CNOT1: variants seen among roughly 807,000 people sequenced by gnomAD.
CNOT1 encodes the protein CCR4-NOT transcription complex subunit 1.
Under a neutral mutation model 273.8 loss-of-function variants are expected in CNOT1, and 15 were observed. That is an observed-to-expected ratio of 0.05 (90% CI 0.04 to 0.08). CNOT1 has a LOEUF of 0.08. Ranked by LOEUF, CNOT1 falls within the 10% of genes least tolerant of loss-of-function variation. The pLI is 1.00. For missense variants in CNOT1, 1,644 were observed against 2,912.2 expected, an observed-to-expected ratio of 0.56 and a Z score of 10.02; for synonymous variants, 1,022 against 1,005.5, an observed-to-expected ratio of 1.02 and a Z score of -0.31.
intron 29 of CNOT1, 138 bp from the exon 30 acceptor site, chr16:58,545,629 T>C: frequency 1.4e-6 from 2 of 1,426,960 alleles, no homozygotes; most frequent in Admixed American, 2.6e-5. Context: ...TAGCAGGTCC[T>C]ATTTTTCCCA....
intron 14 of CNOT1, among the ~76,000 whole-genome samples, chr16:58,575,361 T>C (rs552177372): frequency 2.0e-5 from 3 of 152,172 alleles, no homozygotes; most frequent in African/African-American, 7.2e-5. Context: ...CCAAACAAAC[T>C]TTACCGTGCT....
intron 29 of CNOT1, among the ~76,000 whole-genome samples, chr16:58,545,737 A>G (rs541496891): frequency 2.2e-4 from 34 of 152,344 alleles, no homozygotes; most frequent in Middle Eastern, 3.4e-3. Flanking sequence ...TCAACTGAGC[A>G]GCCATGCCAT....
intron 1 of CNOT1, among the ~76,000 whole-genome samples, chr16:58,609,086 C>G (rs2042793815): frequency 6.6e-6 from 1 of 152,116 alleles, no homozygotes; most frequent in South Asian, 2.1e-4. Context: ...CACTAAAGAA[C>G]TTACTCGCCA....
intron 19 of CNOT1, 80 bp downstream of exon 19, chr16:58,556,767 C>T (rs925940755): frequency 6.5e-7 from 1 of 1,543,676 alleles, no homozygotes; most frequent in Non-Finnish European, 8.7e-7. Flanking sequence ...CAACACATGG[C>T]CCTACTAACA....
intron 42 of CNOT1, among the ~76,000 whole-genome samples, chr16:58,531,015 TAATTC>T (rs1440987918): frequency 2.0e-5 from 3 of 152,212 alleles, no homozygotes; most frequent in African/African-American, 7.2e-5. Flanking sequence ...TGTGTTTTCT[TAATTC>T]CTTATTAAGT....
At chr16:58,612,772 C>T (rs923394689) in intron 1 of CNOT1, among the ~76,000 whole-genome samples, 1 of 152,138 alleles carries the variant, frequency 6.6e-6, no homozygotes, top group African/African-American at 2.4e-5. Context: ...ATATTAACTA[C>T]TTCTCCAAGA....
At chr16:58,594,003 G>T (rs1391672772) in intron 2 of CNOT1, among the ~76,000 whole-genome samples, 1 of 152,192 alleles carries the variant, frequency 6.6e-6, no homozygotes, top group Non-Finnish European at 1.5e-5. Context: ...CCAGCACTTT[G>T]GGAGGCCAAG....
intron 1 of CNOT1, among the ~76,000 whole-genome samples, chr16:58,609,842 G>GATAT (rs138676396): frequency 6.0e-5 from 9 of 149,212 alleles, no homozygotes; most frequent in East Asian, 5.9e-4. Flanking sequence ...CACTTAGGGT[G>GATAT]ATATATATAT....
Position 58,546,475 on chromosome 16 carries a change from C to T in CNOT1, c.3852G>A (p.Glu1284=). 2 of 1,613,380 alleles carry T rather than the reference C, an allele frequency of 1.2e-6. No individual in the cohort carries two copies. ...DLKLNLKFEI[E]VLCKNLALDI... ...CTAATGCAAGGTTCTTGCAGAGAACCTCGATTTCAAACTTCAAGTTTAACT... is the reference window on the plus strand; with the variant it reads ...CTAATGCAAGGTTCTTGCAGAGAACTTCGATTTCAAACTTCAAGTTTAACT... Residue 1284 remains glutamate, a synonymous_variant, in exon 29 of 49, where the codon GAG becomes GAA. Coordinates refer to ENST00000317147, the MANE Select transcript of CNOT1 (RefSeq NM_016284.5).
intron 2 of CNOT1, 60 bp from the exon 3 acceptor site, chr16:58,588,966 G>T: frequency 2.0e-6 from 3 of 1,482,304 alleles, no homozygotes; most frequent in Non-Finnish European, 1.8e-6. Flanking sequence ...AAAAAAGTAA[G>T]GTTTCAAAAA....
rs190106018 is a variant in CNOT1 at position 58,620,047 on chromosome 16, T to C, written c.-175+9681A>G. 5.3e-5 allele frequency among the ~76,000 whole-genome samples: 8 copies of C among 152,182 alleles called. No homozygotes were observed. The South Asian group carries it at 6.2e-4, about 12-fold the overall frequency. ...ATGTTACTTGCTCATTCAAGCAGTA[T>C]GAAAAAAAGAAAAACCAGAGTATCG... On this transcript the variant is annotated intron_variant, in intron 1 of 48. Coordinates refer to ENST00000317147, the MANE Select transcript of CNOT1 (RefSeq NM_016284.5).
At chr16:58,576,238 G>A (rs1468834261) in intron 14 of CNOT1, among the ~76,000 whole-genome samples, 1 of 151,900 alleles carries the variant, frequency 6.6e-6, no homozygotes, top group South Asian at 2.1e-4. Flanking sequence ...AGCCTCCTGA[G>A]TAGCTGGGAT....
intron 1 of CNOT1, among the ~76,000 whole-genome samples, chr16:58,622,373 C>A (rs2043380960): frequency 8.5e-6 from 1 of 117,114 alleles, no homozygotes; most frequent in African/African-American, 3.2e-5. Context: ...ATGGGCAAGG[C>A]AAAGCATGTA....
intron 2 of CNOT1, chr16:58,597,603 G>C: frequency 2.6e-6 from 1 of 382,108 alleles, no homozygotes; most frequent in South Asian, 2.3e-5. Flanking sequence ...GTTTGTGTTT[G>C]GCACTTTGAT....
intron 31 of CNOT1, chr16:58,543,381 T>C: frequency 6.5e-7 from 1 of 1,538,750 alleles, no homozygotes; most frequent in East Asian, 2.5e-5. Flanking sequence ...GTATCTACTA[T>C]CTGTCAAACA....
At chr16:58,565,674 G>C (rs1402619853) in intron 16 of CNOT1, among the ~76,000 whole-genome samples, 1 of 152,046 alleles carries the variant, frequency 6.6e-6, no homozygotes, top group East Asian at 1.9e-4. Context: ...CAAGTGCAAT[G>C]GCTCATACCT....
rs2040451831 is a variant in CNOT1, at chr16:58,551,605, A to G, written c.3185T>C (p.Phe1062Ser). The change falls in exon 23 of 49, where the codon TTT becomes TCT. Residue 1062 changes from phenylalanine to serine, a missense_variant. Phe to Ser is a radical substitution (Grantham distance 155, BLOSUM62 -2). This residue lies in a region of CNOT1 where 124 missense variants were observed against 289.3 expected (regional missense o/e 0.43). Coordinates refer to ENST00000317147, the MANE Select transcript of CNOT1 (RefSeq NM_016284.5). ...VTVTRPTGVS[F>S]KKDVPPSINT... ...TCTACTTACTGGCACATCTTTCTTAAAGCTGACTCCAGTTGGCCTGGTGAC... is the reference window on the plus strand; with the variant it reads ...TCTACTTACTGGCACATCTTTCTTAGAGCTGACTCCAGTTGGCCTGGTGAC... 6.2e-7 allele frequency: 1 copy of G among 1,614,004 alleles called. No homozygotes were observed. The highest frequency in any genetic ancestry group is 1.3e-5 in the African/African-American group (1 of 74,918).
rs2041913196 is a variant in CNOT1 at position 58,587,480 on chromosome 16, CTGTT to C, written c.310-71_310-68del. On this transcript the variant is annotated intron_variant, in intron 4 of 48. Transcript: ENST00000317147. Reference sequence around the variant, plus strand: ...TTTCAAGAAGTTTTTAACAACCTATCTGTTTGCCCAAGGATGGCACTACATAGGA... The same window carrying C: ...TTTCAAGAAGTTTTTAACAACCTATCTGCCCAAGGATGGCACTACATAGGA... 4.4e-6 allele frequency: 7 copies of C among 1,599,522 alleles called. No individual in the cohort carries two copies. The Admixed American group carries it at 1.2e-4, about 28-fold the overall frequency.
At chr16:58,523,007 AG>A (rs2039460097) in intron 47 of CNOT1, 1 of 157,170 alleles carries the variant, frequency 6.4e-6, no homozygotes, top group Non-Finnish European at 1.4e-5. Context: ...GCACTTTGGG[AG>A]GCTGAGGCGG....
Sources: gnomAD v4.1 joint callset for allele counts (sites outside exome capture counted in the v4.1 genomes callset) on GRCh38, gnomAD v4.1.1 for gene constraint, gnomAD v4.1.1 regional missense constraint, MANE v1.5 for transcripts, NCBI Gene and HGNC (gene_info 2026-07-23, HGNC 2026-07-21) for gene names.